PDE10A: variants seen among roughly 807,000 people sequenced by gnomAD.
PDE10A encodes phosphodiesterase 10A.
Under a neutral mutation model 97.7 loss-of-function variants are expected in PDE10A, and 39 were observed. The ratio of observed to expected loss-of-function variants is 0.40; its 90% CI spans 0.31 to 0.52. The LOEUF (loss-of-function observed/expected upper bound fraction) is 0.52. PDE10A is among the 20% of genes least tolerant of loss of function. PDE10A has a pLI of 0.56. For synonymous variants in PDE10A, 371 were observed against 376.8 expected (o/e 0.98, Z 0.18); for missense variants, 731 against 1,047.8 (o/e 0.70, Z 4.17).
chr6:165,953,203 C>T (rs563804152), intron 1 of PDE10A, among the ~76,000 whole-genome samples: 1 of 152,272 alleles, frequency 6.6e-6, no homozygotes, highest in Admixed American at 6.5e-5. Context: ...ATTCCTACCC[C>T]TTCCAATATC....
chr6:165,485,420 G>A (rs113131261), intron 2 of PDE10A, among the ~76,000 whole-genome samples: 1,956 of 145,988 alleles, frequency 0.013, 43 homozygotes, highest in African/African-American at 0.047. Flanking sequence ...GTGAGCCAAG[G>A]TCACATGACT....
intron 1 of PDE10A, among the ~76,000 whole-genome samples, chr6:165,705,405 A>G (rs1052394269): frequency 1.3e-5 from 2 of 152,352 alleles, no homozygotes; most frequent in African/African-American, 4.8e-5. Flanking sequence ...CGTGGGGCTC[A>G]GGAGTTCTTG....
intron 13 of PDE10A, among the ~76,000 whole-genome samples, chr6:165,398,499 CAA>C (rs376168637): frequency 4.4e-5 from 4 of 90,772 alleles, no homozygotes; most frequent in Admixed American, 9.9e-5. Flanking sequence ...CTCTCTCTCT[CAA>C]AAAAAAAAAA....
intron 17 of PDE10A, among the ~76,000 whole-genome samples, chr6:165,382,490 C>T (rs73243950): frequency 0.013 from 1,938 of 152,110 alleles, 39 homozygotes; most frequent in African/African-American, 0.043. Flanking sequence ...TTAAGAGCAC[C>T]GATTTTGGAG....
chr6:165,384,649 TGTGTGTGTGTGTGTGTGTGTATGGG>T, intron 17 of PDE10A, among the ~76,000 whole-genome samples: 1 of 50,648 alleles, frequency 2.0e-5, no homozygotes, highest in African/African-American at 1.2e-4. Context: ...TGTGTGTGTG[TGTGTGTGTGTGTGTGTGTGTATGGG>T]GGGGGGCGAC....
chr6:165,779,392 T>C (rs1370757859), intron 1 of PDE10A, among the ~76,000 whole-genome samples: 3 of 152,192 alleles, frequency 2.0e-5, no homozygotes, highest in African/African-American at 7.2e-5. Context: ...AAGGTCATTT[T>C]TTTCTAAGTA....
intron 1 of PDE10A, among the ~76,000 whole-genome samples, chr6:165,823,789 C>T (rs953160683): frequency 1.4e-4 from 21 of 151,930 alleles, no homozygotes; most frequent in South Asian, 6.2e-4. Flanking sequence ...AAGACTATGA[C>T]GTCACTGGGT....
chr6:165,700,221 C>T lies in PDE10A; in HGVS notation c.-614-156653G>A, dbSNP rs151044543. Among the ~76,000 whole-genome samples the T allele has an allele frequency of 3.2e-3, 488 of 152,082 alleles. 1 individual carries two copies. The highest frequency in any genetic ancestry group is 5.4e-3 in the Non-Finnish European group (368 of 68,014). The stretch of plus-strand genomic sequence containing the variant: ...CACAAGAGACCACATACTGGATGAG[C>T]CCATTAATGTGAAAGTCCAGAAGAG... On this transcript the variant is annotated intron_variant, in intron 1 of 19. Transcript: ENST00000366882.
rs367549621 is a variant in PDE10A, at chr6:165,654,712, G to A, written c.865+7235C>T. ...CCACAGCTGAGATTCAAAAGGCCCCGTCTGCCATCCTCACCACACTGGCAT... is the reference window on the plus strand; with the variant it reads ...CCACAGCTGAGATTCAAAAGGCCCCATCTGCCATCCTCACCACACTGGCAT... On this transcript the variant is annotated intron_variant, in intron 1 of 21. Coordinates refer to ENST00000539869, the MANE Select transcript of PDE10A (RefSeq NM_001385079.1). 6.6e-5 allele frequency among the ~76,000 whole-genome samples: 10 copies of A among 152,242 alleles called. 1 individual carries two copies. In the East Asian group the frequency reaches 7.7e-4, roughly 12 times the overall value.
At chr6:165,496,522 C>A (rs570886694) in intron 2 of PDE10A, among the ~76,000 whole-genome samples, 6 of 152,180 alleles carry the variant, frequency 3.9e-5, no homozygotes, top group Admixed American at 1.3e-4. Context: ...AATTCTTACA[C>A]AGAGAGAATG....
chr6:165,640,829 T>C (rs1389783428), intron 1 of PDE10A, among the ~76,000 whole-genome samples: 1 of 152,252 alleles, frequency 6.6e-6, no homozygotes. Flanking sequence ...AAGAATAATA[T>C]AACTCATCTA....
At chr6:165,943,173 A>G (rs1427002760) in intron 1 of PDE10A, among the ~76,000 whole-genome samples, 1 of 58,084 alleles carries the variant, frequency 1.7e-5, no homozygotes, top group Non-Finnish European at 3.0e-5. Flanking sequence ...AGAAAGAAAG[A>G]AAAAAGAAAG....
chr6:165,971,515 G>A (rs987092369), intron 1 of PDE10A, among the ~76,000 whole-genome samples: 1 of 152,266 alleles, frequency 6.6e-6, no homozygotes, highest in East Asian at 1.9e-4. Context: ...TTTGCACACA[G>A]GAAACATGTG....
intron 1 of PDE10A, among the ~76,000 whole-genome samples, chr6:165,930,648 G>A (rs956660945): frequency 6.6e-6 from 1 of 152,214 alleles, no homozygotes; most frequent in Admixed American, 6.5e-5. Flanking sequence ...CCCAAAGGCC[G>A]CTGATGAAAA....
At chr6:165,848,149 TC>T (rs1212252018) in intron 1 of PDE10A, among the ~76,000 whole-genome samples, 1 of 151,688 alleles carries the variant, frequency 6.6e-6, no homozygotes, top group African/African-American at 2.4e-5. Context: ...CACAGAAAAA[TC>T]AACCCACAGA....
chr6:165,896,626 G>A (rs1213670531), intron 1 of PDE10A, among the ~76,000 whole-genome samples: 3 of 149,296 alleles, frequency 2.0e-5, no homozygotes, highest in Admixed American at 6.8e-5. Flanking sequence ...CCGGGTACAC[G>A]CCATTCTCCT....
intron 3 of PDE10A, among the ~76,000 whole-genome samples, chr6:165,473,456 T>C (rs1453848735): frequency 2.0e-5 from 3 of 152,264 alleles, no homozygotes; most frequent in Admixed American, 1.3e-4. Flanking sequence ...AATTCCAGTG[T>C]GATACTCAAC....
chr6:165,442,322 T>A (rs988105504), intron 5 of PDE10A, among the ~76,000 whole-genome samples: 5 of 151,606 alleles, frequency 3.3e-5, no homozygotes, highest in African/African-American at 1.2e-4. Context: ...GGCCCCAGTG[T>A]GTGATGTTCC....
chr6:165,382,657 T>C (rs1785009418), intron 17 of PDE10A, among the ~76,000 whole-genome samples: 1 of 152,102 alleles, frequency 6.6e-6, no homozygotes, highest in Non-Finnish European at 1.5e-5. Flanking sequence ...TGTATTAAAA[T>C]ATGTACAAAA....
Sources: gnomAD v4.1 joint callset for allele counts (sites outside exome capture counted in the v4.1 genomes callset) on GRCh38, gnomAD v4.1.1 for gene constraint, MANE v1.5 for transcripts, NCBI Gene and HGNC (gene_info 2026-07-23, HGNC 2026-07-21) for gene names.